Variants in PLCXD3 observed in about 807,000 individuals in gnomAD.
PLCXD3 encodes phosphatidylinositol specific phospholipase C X domain containing 3.
Under a neutral mutation model 25.5 loss-of-function variants are expected in PLCXD3, and 19 were observed. That is an observed-to-expected ratio of 0.75 (90% CI 0.52 to 1.09). The LOEUF is 1.09. PLCXD3 is among the 50% of genes least tolerant of loss of function. The pLI is 0.00. For synonymous variants in PLCXD3, 174 were observed against 137.6 expected (o/e 1.26, Z -1.85); for missense variants, 411 against 388.1 (o/e 1.06, Z -0.50).
chr5:41,468,892 T>A (rs1748086046), intron 1 of PLCXD3, among the ~76,000 whole-genome samples: 1 of 152,202 alleles, frequency 6.6e-6, no homozygotes, highest in South Asian at 2.1e-4. Context: ...CTAATTCTTC[T>A]GGCTAGGACT....
chr5:41,410,629 C>G (rs372780846), intron 1 of PLCXD3, among the ~76,000 whole-genome samples: 11 of 152,304 alleles, frequency 7.2e-5, no homozygotes, highest in African/African-American at 2.4e-4. Context: ...CCCAGGCCAT[C>G]TGAAGGAGGC....
chr5:41,377,510 C>T (rs780117846), intron 2 of PLCXD3, among the ~76,000 whole-genome samples: 1 of 152,026 alleles, frequency 6.6e-6, no homozygotes, highest in Non-Finnish European at 1.5e-5. Flanking sequence ...AAGGACTTTA[C>T]TCAAGTTGCA....
chr5:41,369,111 A>T (rs190353552), intron 2 of PLCXD3, among the ~76,000 whole-genome samples: 1 of 152,306 alleles, frequency 6.6e-6, no homozygotes, highest in Non-Finnish European at 1.5e-5. Flanking sequence ...AATTCTCCTT[A>T]TGTCATGGAA....
chr5:41,456,536 T>G (rs1747757273), intron 1 of PLCXD3: 6 of 935,396 alleles, frequency 6.4e-6, no homozygotes, highest in Non-Finnish European at 7.6e-6. Flanking sequence ...GTTCTTAATC[T>G]CTAGACTTAC....
chr5:41,478,196 G>A (rs183620008), intron 1 of PLCXD3, among the ~76,000 whole-genome samples: 10 of 152,250 alleles, frequency 6.6e-5, no homozygotes, highest in Middle Eastern at 3.4e-3. Flanking sequence ...CAAAGCGCTG[G>A]GTTGTTAGAG....
chr5:41,426,588 T>C (rs1204880367), intron 1 of PLCXD3, among the ~76,000 whole-genome samples: 1 of 152,030 alleles, frequency 6.6e-6, no homozygotes, highest in South Asian at 2.1e-4. Flanking sequence ...TTGAAAAACA[T>C]AATGATATGA....
At chr5:41,443,568 T>C (rs948159701) in intron 1 of PLCXD3, among the ~76,000 whole-genome samples, 2 of 152,176 alleles carry the variant, frequency 1.3e-5, no homozygotes, top group Non-Finnish European at 2.9e-5. Flanking sequence ...CTGGTAAGCA[T>C]CCATTATATT....
At chr5:41,428,825 A>T (rs1186870488) in intron 1 of PLCXD3, among the ~76,000 whole-genome samples, 1 of 152,218 alleles carries the variant, frequency 6.6e-6, no homozygotes, top group East Asian at 1.9e-4. Flanking sequence ...CTGTTAAAAA[A>T]CAAATAGATG....
At chr5:41,479,990 T>C (rs1182373602) in intron 1 of PLCXD3, among the ~76,000 whole-genome samples, 1 of 152,180 alleles carries the variant, frequency 6.6e-6, no homozygotes, top group Non-Finnish European at 1.5e-5. Flanking sequence ...ATTTCTTTCA[T>C]TTAATTTTCT....
intron 2 of PLCXD3, among the ~76,000 whole-genome samples, chr5:41,375,104 A>C (rs989695885): frequency 2.0e-5 from 3 of 151,946 alleles, no homozygotes; most frequent in African/African-American, 7.3e-5. Context: ...TCCCCATTGG[A>C]GAGAAAAAAA....
At chr5:41,507,158 A>G (rs940583695) in intron 1 of PLCXD3, among the ~76,000 whole-genome samples, 9 of 152,140 alleles carry the variant, frequency 5.9e-5, no homozygotes, top group Admixed American at 5.9e-4. Flanking sequence ...TTTCAGAGAA[A>G]CTGAATTTTC....
intron 1 of PLCXD3, among the ~76,000 whole-genome samples, chr5:41,455,027 A>G (rs865942765): frequency 1.4e-5 from 2 of 147,726 alleles, no homozygotes; most frequent in South Asian, 2.1e-4. Flanking sequence ...ATGAGACCAC[A>G]TGAGAACTCA....
intron 1 of PLCXD3, among the ~76,000 whole-genome samples, chr5:41,441,690 G>A (rs112895133): frequency 2.6e-5 from 4 of 152,278 alleles, no homozygotes; most frequent in African/African-American, 9.6e-5. Context: ...TGTCTTACAT[G>A]TGACCTGTAG....
chr5:41,408,421 A>C (rs1010245963), intron 1 of PLCXD3, among the ~76,000 whole-genome samples: 4 of 152,102 alleles, frequency 2.6e-5, no homozygotes, highest in African/African-American at 9.7e-5. Context: ...AAACACACAT[A>C]CATGTTGACA....
chr5:41,473,720 T>C (rs928721387), intron 1 of PLCXD3, among the ~76,000 whole-genome samples: 1 of 152,116 alleles, frequency 6.6e-6, no homozygotes, highest in Non-Finnish European at 1.5e-5. Flanking sequence ...CCTCCCAAAG[T>C]GTTGGGATCA....
intron 1 of PLCXD3, among the ~76,000 whole-genome samples, chr5:41,387,948 A>C (rs1182302137): frequency 6.6e-6 from 1 of 152,118 alleles, no homozygotes; most frequent in Non-Finnish European, 1.5e-5. Flanking sequence ...TTGATTATTA[A>C]TATCAATGGG....
chr5:41,445,046 C>T (rs1219328226), intron 1 of PLCXD3, among the ~76,000 whole-genome samples: 2 of 152,184 alleles, frequency 1.3e-5, no homozygotes, highest in South Asian at 2.1e-4. Context: ...GACATGCTTT[C>T]TCTGAACACA....
chr5:41,475,302 T>A (rs1022697733), intron 1 of PLCXD3, among the ~76,000 whole-genome samples: 1 of 152,304 alleles, frequency 6.6e-6, no homozygotes, highest in African/African-American at 2.4e-5. Flanking sequence ...ATCTGGTTGA[T>A]TTTAGTTTTT....
At chr5:41,487,794 G>T (rs1453739001) in intron 1 of PLCXD3, among the ~76,000 whole-genome samples, 1 of 152,050 alleles carries the variant, frequency 6.6e-6, no homozygotes, top group Non-Finnish European at 1.5e-5. Flanking sequence ...ATGAGGGCAA[G>T]AAAGAATGGA....
Sources: gnomAD v4.1 joint callset for allele counts (sites outside exome capture counted in the v4.1 genomes callset) on GRCh38, gnomAD v4.1.1 for gene constraint, MANE v1.5 for transcripts, NCBI Gene and HGNC (gene_info 2026-07-23, HGNC 2026-07-21) for gene names.